The following REV1 variants were observed in gnomAD, a reference collection of about 807,000 sequenced individuals.
REV1 encodes the protein REV1 DNA directed polymerase.
In REV1, 42 loss-of-function variants were observed where a neutral mutation model predicts 137.4. That is an observed-to-expected ratio of 0.31 (90% CI 0.24 to 0.40). The LOEUF is 0.40. Ranked by LOEUF, REV1 falls within the 10% of genes least tolerant of loss-of-function variation. The pLI, the probability that REV1 is intolerant of heterozygous loss-of-function variation, is 1.00. For missense variants in REV1, 1,282 were observed against 1,490.1 expected (o/e 0.86, Z 2.30); for synonymous variants, 524 against 519.2 (o/e 1.01, Z -0.12).
intron 5 of REV1, 65 bp downstream of exon 5, chr2:99,442,252 C>CAAAAAAAAAAAAAAA (rs3070575): frequency 3.7e-6 from 2 of 536,856 alleles, no homozygotes; most frequent in Admixed American, 6.3e-5. Flanking sequence ...AACTCCATCT[C>CAAAAAAAAAAAAAAA]AAAAAAAAAA....
chr2:99,409,332 C>T (rs1676778900), intron 14 of REV1, among the ~76,000 whole-genome samples: 1 of 152,214 alleles, frequency 6.6e-6, no homozygotes, highest in Admixed American at 6.5e-5. Context: ...GCAATATCAT[C>T]ATATACATGA....
At chr2:99,485,492 C>G (rs1687042721) in intron 1 of REV1, among the ~76,000 whole-genome samples, 1 of 152,160 alleles carries the variant, frequency 6.6e-6, no homozygotes, top group South Asian at 2.1e-4. Context: ...CTACAAGACT[C>G]ATATTTCAAC....
In REV1 at chr2:99,451,323, T is replaced by C. The variant is rs541387683; in HGVS notation, c.182-1819A>G. On this transcript the variant is annotated intron_variant, in intron 3 of 22. Transcript: ENST00000258428. Reference sequence around the variant, plus strand: ...GTCAAGAACACATTAACTTTCCATATACATACTCATAAAGTACTCACCCGT... The same window carrying C: ...GTCAAGAACACATTAACTTTCCATACACATACTCATAAAGTACTCACCCGT... 7.7e-5 allele frequency: 93 copies of C among 1,202,254 alleles called. No individual in the cohort carries two copies. The African/African-American group carries it at 1.3e-3, about 17-fold the overall frequency. The allele number at this position is 1,202,254 out of a possible 1,614,324, so 74.5% of individuals were successfully genotyped here.
chr2:99,438,995 G>A lies in REV1; in HGVS notation c.819C>T (p.Asp273=). The A allele has an allele frequency of 6.2e-7, 1 of 1,614,198 alleles. No individual in the cohort carries two copies. Among genetic ancestry groups the A allele is most frequent in the Non-Finnish European group, 8.5e-7 (1 of 1,180,046 alleles). The change falls in exon 6 of 23, where the codon GAC becomes GAT. Residue 273 remains aspartate, a synonymous_variant. Transcript: ENST00000258428. ...TTTGCTGCAACTGCTGCAGAGTGCAGTCTCTGAAATCAGTGCTGCTCTTCT... is the reference window on the plus strand; with the variant it reads ...TTTGCTGCAACTGCTGCAGAGTGCAATCTCTGAAATCAGTGCTGCTCTTCT... ...KAEKSSTDFR[D]CTLQQLQQST...
chr2:99,410,610 C>A, intron 14 of REV1, 85 bp downstream of exon 14: 1 of 1,220,668 alleles, frequency 8.2e-7, no homozygotes, highest in South Asian at 1.5e-5. Context: ...TATTCAAACT[C>A]CTCCTTGGTT....
At chr2:99,401,395 G>A in intron 22 of REV1, 43 bp from the exon 23 acceptor site, 6 of 1,333,332 alleles carry the variant, frequency 4.5e-6, no homozygotes, top group Non-Finnish European at 6.4e-6. Flanking sequence ...AATTAGGAAA[G>A]GTCCTTAAGA....
At chr2:99,452,167 G>A (rs1398030300) in intron 3 of REV1, among the ~76,000 whole-genome samples, 1 of 152,108 alleles carries the variant, frequency 6.6e-6, no homozygotes, top group Non-Finnish European at 1.5e-5. Flanking sequence ...GCTCACACCT[G>A]TAATTCCAGC....
chr2:99,443,384 T>C (rs1681756783), intron 4 of REV1, among the ~76,000 whole-genome samples: 1 of 152,166 alleles, frequency 6.6e-6, no homozygotes, highest in African/African-American at 2.4e-5. Context: ...GTCTCATAAA[T>C]CCAAGACTTG....
At position 99,409,926 on chromosome 2, in the gene REV1, C is replaced by T. The variant is rs561696932; in HGVS notation, c.2345+769G>A. 4.9e-5 allele frequency among the ~76,000 whole-genome samples: 7 copies of T among 141,478 alleles called. No homozygotes were observed. In the South Asian group the frequency reaches 1.6e-3, roughly 33 times the overall value. The allele number at this position is 141,478 out of a possible 152,430, so 92.8% of individuals were successfully genotyped here. On this transcript the variant is annotated intron_variant, in intron 14 of 22. Transcript: ENST00000258428. ...TTTTCAGACATTACAGTGATTCATTCATCTTTTTACCAATTAAATGTATAC... is the reference window on the plus strand; with the variant it reads ...TTTTCAGACATTACAGTGATTCATTTATCTTTTTACCAATTAAATGTATAC...
At chr2:99,439,373 A>ATTT in intron 5 of REV1, 63 bp from the exon 6 acceptor site, 1 of 1,177,056 alleles carries the variant, frequency 8.5e-7, no homozygotes, top group East Asian at 2.4e-5. Context: ...CAATTTTTTC[A>ATTT]TTTCATCATT....
At position 99,429,958 on chromosome 2, in the gene REV1, T is replaced by TA. The variant is rs200219079; in HGVS notation, c.1439-11dup. The TA allele has an allele frequency of 8.6e-4, 1,286 of 1,501,208 alleles. 5 individuals are homozygous for TA. The highest frequency in any genetic ancestry group is 7.6e-4 in the South Asian group (61 of 79,814). The allele number at this position is 1,501,208 out of a possible 1,614,324, so 93.0% of individuals were successfully genotyped here. ...GAATCTGGTATATCTGCTTTAAAAATAAAAAAAAATTAATGGTTATATGTT... is the reference window on the plus strand; with the variant it reads ...GAATCTGGTATATCTGCTTTAAAAATAAAAAAAAAATTAATGGTTATATGTT... On this transcript the variant is annotated splice_polypyrimidine_tract_variant and intron_variant, in intron 8 of 22. Transcript: ENST00000258428.
Position 99,403,687 on chromosome 2 carries a change from A to G in REV1, c.3166+8T>C, listed in dbSNP as rs1246281973. The stretch of plus-strand genomic sequence containing the variant: ...TCATTTTTGTTACATGCCACTTCCA[A>G]GGCTCACCAGATGCGCTGGCTGACT... On this transcript the variant is annotated splice_region_variant and intron_variant, in intron 19 of 22. Coordinates refer to ENST00000258428, the MANE Select transcript of REV1 (RefSeq NM_016316.4). 1.2e-6 allele frequency: 2 copies of G among 1,614,048 alleles called. No individual in the cohort carries two copies. The highest frequency in any genetic ancestry group is 1.3e-5 in the African/African-American group (1 of 74,934).
intron 6 of REV1, among the ~76,000 whole-genome samples, chr2:99,437,551 A>G (rs1159594993): frequency 6.6e-6 from 1 of 152,222 alleles, no homozygotes; most frequent in Non-Finnish European, 1.5e-5. Flanking sequence ...TATTTTTCAA[A>G]ATATCATATA....
At chr2:99,422,437 G>A (rs367747320) in intron 10 of REV1, among the ~76,000 whole-genome samples, 1 of 152,288 alleles carries the variant, frequency 6.6e-6, no homozygotes, top group East Asian at 1.9e-4. Context: ...AATCCACTTG[G>A]TAATGTAGAC....
chr2:99,471,814 G>A (rs1685445201), intron 1 of REV1, among the ~76,000 whole-genome samples: 2 of 148,070 alleles, frequency 1.4e-5, no homozygotes, highest in Non-Finnish European at 1.5e-5. Flanking sequence ...AACGTTCAGT[G>A]TCATTAATCA....
chr2:99,455,887 C>A (rs188145808), intron 3 of REV1, among the ~76,000 whole-genome samples: 2 of 152,058 alleles, frequency 1.3e-5, no homozygotes, highest in Admixed American at 1.3e-4. Context: ...CTTGTCCGGG[C>A]CCCCCTCCAC....
chr2:99,404,314 C>T (rs1424181289), intron 18 of REV1, 130 bp downstream of exon 18: 1 of 672,458 alleles, frequency 1.5e-6, no homozygotes, highest in East Asian at 3.0e-5. Flanking sequence ...CTCTCCCCTC[C>T]CCTCCCCTCC....
chr2:99,484,608 CATT>C (rs1003526952), intron 1 of REV1, among the ~76,000 whole-genome samples: 1 of 151,132 alleles, frequency 6.6e-6, no homozygotes, highest in Non-Finnish European at 1.5e-5. Flanking sequence ...ATGAGAAAAA[CATT>C]AATTACGATG....
chr2:99,462,435 A>AATCATTCT (rs1450950513), intron 3 of REV1, 61 bp downstream of exon 3: 8 of 1,464,260 alleles, frequency 5.5e-6, no homozygotes, highest in Middle Eastern at 1.8e-4. Context: ...TTTTAAAACA[A>AATCATTCT]ATCATTCTCA....
Sources: gnomAD v4.1 joint callset for allele counts (sites outside exome capture counted in the v4.1 genomes callset) on GRCh38, gnomAD v4.1.1 for gene constraint, MANE v1.5 for transcripts, NCBI Gene and HGNC (gene_info 2026-07-23, HGNC 2026-07-21) for gene names.